The following PTPRN2 variants were observed in gnomAD, a reference collection of about 807,000 sequenced individuals.
The protein encoded by PTPRN2 is receptor-type tyrosine-protein phosphatase N2.
PTPRN2 carries 74 observed loss-of-function variants against 118.8 expected under a neutral mutation model. The observed-to-expected ratio is 0.62, with a 90% CI of 0.52 to 0.76. The LOEUF (loss-of-function observed/expected upper bound fraction) is 0.76. PTPRN2 is among the 30% of genes least tolerant of loss of function. The pLI is 0.00. For missense variants in PTPRN2, 1,481 were observed against 1,394.4 expected (o/e 1.06, Z -0.99); for synonymous variants, 641 against 608.0 (o/e 1.05, Z -0.80).
At chr7:157,941,473 C>T (rs572601743) in intron 11 of PTPRN2, among the ~76,000 whole-genome samples, 1 of 149,888 alleles carries the variant, frequency 6.7e-6, no homozygotes, top group South Asian at 2.2e-4. Flanking sequence ...AAATATAACC[C>T]CCTCCCCCCT....
intron 11 of PTPRN2, among the ~76,000 whole-genome samples, chr7:157,963,415 C>T (rs921151523): frequency 1.3e-5 from 2 of 152,242 alleles, no homozygotes; most frequent in South Asian, 4.1e-4. Flanking sequence ...ACTAAAATAA[C>T]TAAGAATTGG....
intron 12 of PTPRN2, among the ~76,000 whole-genome samples, chr7:157,882,591 C>T (rs149252358): frequency 1.2e-3 from 173 of 145,532 alleles, no homozygotes; most frequent in African/African-American, 3.7e-3. Context: ...AAATGACTGT[C>T]GAAGACCAGA....
chr7:158,402,012 G>A (rs1374347700), intron 2 of PTPRN2, among the ~76,000 whole-genome samples: 1 of 152,096 alleles, frequency 6.6e-6, no homozygotes, highest in Non-Finnish European at 1.5e-5. Flanking sequence ...AACGGGGTGT[G>A]AAAGAGAGAT....
At chr7:158,277,184 C>T (rs1217391255) in intron 3 of PTPRN2, among the ~76,000 whole-genome samples, 2 of 152,256 alleles carry the variant, frequency 1.3e-5, no homozygotes, top group Non-Finnish European at 1.5e-5. Context: ...CTTCTCACGT[C>T]GCAGTGGATT....
chr7:158,186,209 G>T (rs148760848), intron 5 of PTPRN2, among the ~76,000 whole-genome samples: 1 of 152,112 alleles, frequency 6.6e-6, no homozygotes, highest in East Asian at 1.9e-4. Flanking sequence ...ATTCCAATGC[G>T]CATGAAAGAA....
In PTPRN2 at chr7:157,801,046, C is replaced by CAT. The variant is rs753347536; in HGVS notation, c.1788+97625_1788+97626dup. On this transcript the variant is annotated intron_variant, in intron 12 of 22. Transcript: ENST00000389418. The surrounding 1 kb of genome is among the most constrained non-coding windows in gnomAD (Gnocchi z 4.2). ...ACATATATATACACATATATATACACATATATACACATATATATACACATA... is the reference window on the plus strand; with the variant it reads ...ACATATATATACACATATATATACACATATATATACACATATATATACACATA... Among the ~76,000 whole-genome samples the CAT allele has an allele frequency of 6.8e-5, 10 of 146,846 alleles. No individual in the cohort carries two copies. Among genetic ancestry groups the CAT allele is most frequent in the Non-Finnish European group, 1.1e-4 (7 of 65,966 alleles).
chr7:158,143,874 C>G (rs754726317), intron 6 of PTPRN2, among the ~76,000 whole-genome samples: 2 of 152,150 alleles, frequency 1.3e-5, no homozygotes, highest in African/African-American at 4.8e-5. Context: ...GGCCTGGGAG[C>G]CTCCACCTGC....
intron 6 of PTPRN2, among the ~76,000 whole-genome samples, chr7:158,142,737 T>C (rs1412298828): frequency 6.6e-6 from 1 of 152,076 alleles, no homozygotes; most frequent in African/African-American, 2.4e-5. Flanking sequence ...TCTCACTTTC[T>C]CACAAACAAA....
At chr7:158,057,475 C>G (rs753582324) in intron 11 of PTPRN2, among the ~76,000 whole-genome samples, 6 of 152,208 alleles carry the variant, frequency 3.9e-5, no homozygotes, top group Non-Finnish European at 7.3e-5. Context: ...GCAGGTACAC[C>G]CGAGGAATAG....
intron 11 of PTPRN2, among the ~76,000 whole-genome samples, chr7:158,058,940 C>A: frequency 9.4e-6 from 1 of 105,936 alleles, no homozygotes; most frequent in African/African-American, 4.8e-5. Flanking sequence ...CAGCCACACT[C>A]CATCTGCACA....
intron 3 of PTPRN2, among the ~76,000 whole-genome samples, chr7:158,314,172 G>A (rs1177108347): frequency 2.6e-5 from 4 of 152,160 alleles, no homozygotes; most frequent in East Asian, 1.9e-4. Context: ...ACCTAGAGCC[G>A]GGCTGAAATT....
chr7:157,802,187 C>T (rs933798162), intron 12 of PTPRN2, among the ~76,000 whole-genome samples: 1 of 152,212 alleles, frequency 6.6e-6, no homozygotes, highest in Non-Finnish European at 1.5e-5. Flanking sequence ...GTCGAGACCG[C>T]GTTGAGGCCG....
chr7:157,621,891 C>A (rs999827558), intron 14 of PTPRN2, among the ~76,000 whole-genome samples: 1 of 151,908 alleles, frequency 6.6e-6, no homozygotes, highest in Non-Finnish European at 1.5e-5. Flanking sequence ...TTAAAACCGG[C>A]GCACGTTTCT....
chr7:158,573,203 T>C (rs536189402), intron 1 of PTPRN2, among the ~76,000 whole-genome samples: 2 of 152,338 alleles, frequency 1.3e-5, no homozygotes, highest in African/African-American at 4.8e-5. Flanking sequence ...TTTCTTTGTA[T>C]GTCACTAACA....
Position 158,177,527 on chromosome 7 carries a change from G to T in PTPRN2, c.550-10236C>A, listed in dbSNP as rs192685981. On this transcript the variant is annotated intron_variant, in intron 5 of 22. Coordinates refer to ENST00000389418, the MANE Select transcript of PTPRN2 (RefSeq NM_002847.5). ...CCCTGAATACATTCCGGTGCCCCTG[G>T]AGACACTGCCCTCTCCCATCCCTGT... Among the ~76,000 whole-genome samples, 5 of 152,282 alleles carry T rather than the reference G, an allele frequency of 3.3e-5. No homozygotes were observed. The East Asian group carries it at 9.6e-4, about 29-fold the overall frequency.
Position 157,779,332 on chromosome 7 carries a change from A to T in PTPRN2, c.1789-96395T>A, listed in dbSNP as rs1803535152. ...TGCTACTCTTGGTGACCTGAGGTGA[A>T]AGGTCACGTGCTGGTCGCTTGTGCT... On this transcript the variant is annotated intron_variant, in intron 12 of 22. Transcript: ENST00000389418. This position sits in a 1 kb window ranked among gnomAD's most constrained non-coding sequence, Gnocchi z 4.7. Among the ~76,000 whole-genome samples the T allele has an allele frequency of 6.6e-6, 1 of 152,102 alleles. No homozygotes were observed. Among genetic ancestry groups the T allele is most frequent in the African/African-American group, 2.4e-5 (1 of 41,422 alleles).
At chr7:158,061,638 G>A (rs1810349300) in intron 11 of PTPRN2, among the ~76,000 whole-genome samples, 1 of 152,218 alleles carries the variant, frequency 6.6e-6, no homozygotes, top group Non-Finnish European at 1.5e-5. Flanking sequence ...TGTGGCTCCA[G>A]GATTGTCATT....
At chr7:157,870,182 A>C (rs538095096) in intron 12 of PTPRN2, among the ~76,000 whole-genome samples, 1 of 152,142 alleles carries the variant, frequency 6.6e-6, no homozygotes, top group East Asian at 1.9e-4. Flanking sequence ...CTCAACTTTA[A>C]TTTTCCAGCC....
At chr7:158,100,946 G>A (rs1004393810) in intron 10 of PTPRN2, among the ~76,000 whole-genome samples, 4 of 152,092 alleles carry the variant, frequency 2.6e-5, no homozygotes, top group Non-Finnish European at 5.9e-5. Context: ...TGACCGTACT[G>A]CCAAAAGCAA....
Sources: allele counts gnomAD v4.1 joint callset (sites outside exome capture counted in the v4.1 genomes callset), GRCh38; gene constraint gnomAD v4.1.1; non-coding constraint Gnocchi (gnomAD v3.1); transcripts MANE v1.5; gene names NCBI Gene and HGNC (gene_info 2026-07-23, HGNC 2026-07-21).